NFASC: variants seen among roughly 807,000 people sequenced by gnomAD.
NFASC encodes neurofascin homolog.
NFASC carries 43 observed loss-of-function variants against 147.5 expected under a neutral mutation model. That is an observed-to-expected ratio of 0.29 (90% CI 0.23 to 0.38). The LOEUF (loss-of-function observed/expected upper bound fraction) is 0.38, where lower values mean the gene tolerates loss of function less well. Among genes scored for constraint, NFASC ranks in the 10% least tolerant of loss-of-function variants. The probability of loss-of-function intolerance (pLI) is 1.00; values close to 1 mark genes in which losing one functional copy is unlikely to be tolerated. For synonymous variants in NFASC, 622 were observed against 665.5 expected (o/e 0.93, Z 1.01); for missense variants, 1,320 against 1,689.0 (o/e 0.78, Z 3.83).
rs1184535103 is a variant in NFASC, at chr1:204,997,276, C to A, written c.2889C>A (p.Ile963=). The part of the protein sequence containing the change: ...ATTEATTVPI[I]PTVAPTTIAT... ...CCGAAGCCACAACAGTCCCCATCAT[C>A]CCAACTGTCGCACCTACCACCATCG... Residue 963 remains isoleucine (I), a synonymous_variant, in exon 25 of 30, where the codon ATC becomes ATA. Transcript: ENST00000339876. 3.1e-6 allele frequency: 5 copies of A among 1,612,406 alleles called. No individual in the cohort carries two copies. The highest frequency in any genetic ancestry group is 4.2e-6 in the Non-Finnish European group (5 of 1,179,134).
In NFASC at chr1:204,978,889, G is replaced by A. The variant is rs979025079; in HGVS notation, c.1877-79G>A. ...CTGGTAGCGAAGACAGCCCGTCAGG[G>A]AGCTGTCCAGGGCTAGGGCCATCAC... On this transcript the variant is annotated intron_variant, in intron 17 of 29. Transcript: ENST00000339876. The A allele has an allele frequency of 7.1e-6, 8 of 1,132,480 alleles. No individual in the cohort carries two copies. In the African/African-American group the frequency reaches 1.2e-4, roughly 18 times the overall value. 70.2% of individuals were successfully genotyped at this position (1,132,480 alleles called of 1,614,324 possible).
At chr1:204,939,615 A>T in intron 2 of NFASC, among the ~76,000 whole-genome samples, 1 of 152,204 alleles carries the variant, frequency 6.6e-6, no homozygotes, top group East Asian at 1.9e-4. Context: ...CCACATCTGG[A>T]TGTTGCACTT....
intron 2 of NFASC, among the ~76,000 whole-genome samples, chr1:204,935,707 G>A (rs2625221): frequency 0.38 from 58,444 of 151,868 alleles, 11,547 homozygotes; most frequent in Non-Finnish European, 0.43. Context: ...GATGAGACTG[G>A]GCACCCCGGT....
chr1:204,971,586 T>C (rs1231579194), intron 11 of NFASC, among the ~76,000 whole-genome samples: 1 of 152,170 alleles, frequency 6.6e-6, no homozygotes, highest in African/African-American at 2.4e-5. Flanking sequence ...TTTAGACATA[T>C]ATTGTATGCC....
chr1:204,960,259 A>G (rs2094603486), intron 8 of NFASC, among the ~76,000 whole-genome samples: 1 of 152,240 alleles, frequency 6.6e-6, no homozygotes, highest in South Asian at 2.1e-4. Context: ...TATTACCTGC[A>G]TTGAAGGAAG....
At chr1:204,981,322 T>C (rs1382730388) in intron 20 of NFASC, among the ~76,000 whole-genome samples, 1 of 152,258 alleles carries the variant, frequency 6.6e-6, no homozygotes, top group Admixed American at 6.5e-5. Context: ...AACTCTGACC[T>C]CTTGGGAAGG....
intron 1 of NFASC, among the ~76,000 whole-genome samples, chr1:204,911,408 A>C (rs6658163): frequency 0.44 from 67,178 of 151,964 alleles, 15,293 homozygotes; most frequent in Admixed American, 0.55. Flanking sequence ...TAAGAAATGG[A>C]GGTCTCAAGA....
intron 17 of NFASC, among the ~76,000 whole-genome samples, chr1:204,978,036 C>T (rs1258516102): frequency 6.6e-6 from 1 of 152,228 alleles, no homozygotes; most frequent in Non-Finnish European, 1.5e-5. Context: ...GTCCTGTTTG[C>T]AGGGAATGCG....
chr1:204,853,665 T>C (rs1038710837), intron 1 of NFASC, among the ~76,000 whole-genome samples: 6 of 152,208 alleles, frequency 3.9e-5, no homozygotes, highest in African/African-American at 1.4e-4. Flanking sequence ...CTCTTGGTAT[T>C]GTGCCAAACC....
chr1:204,955,268 G>A (rs932305869), intron 7 of NFASC, among the ~76,000 whole-genome samples: 2 of 152,162 alleles, frequency 1.3e-5, no homozygotes, highest in Non-Finnish European at 1.5e-5. Flanking sequence ...AAGAATAAAT[G>A]AGTCAATACG....
intron 19 of NFASC, among the ~76,000 whole-genome samples, chr1:204,980,056 A>G (rs1002438799): frequency 6.6e-6 from 1 of 152,240 alleles, no homozygotes; most frequent in Non-Finnish European, 1.5e-5. Context: ...TTTAGTGGAT[A>G]ATCCACAAAG....
In NFASC at chr1:204,986,320, T is replaced by G. The variant is rs1294743812; in HGVS notation, c.2471-1098T>G. On this transcript the variant is annotated intron_variant, in intron 21 of 29. Transcript: ENST00000339876. This position sits in a 1 kb window ranked among gnomAD's most constrained non-coding sequence, Gnocchi z 4.2. ...TGACCTGCCCTGCGAGGAGGTTGTA[T>G]CTCAAGAGAAGACCTGTGAGGTCTG... Among the ~76,000 whole-genome samples the G allele has an allele frequency of 6.6e-6, 1 of 152,200 alleles. No individual in the cohort carries two copies. The highest frequency in any genetic ancestry group is 2.4e-5 in the African/African-American group (1 of 41,446).
At position 204,987,661 on chromosome 1, in the gene NFASC, G is replaced by C; in HGVS notation, c.2593+121G>C. The C allele has an allele frequency of 8.6e-7, 1 of 1,162,836 alleles. No homozygotes were observed. The highest frequency in any genetic ancestry group is 1.2e-6 in the Non-Finnish European group (1 of 802,224). 72.0% of individuals were successfully genotyped at this position (1,162,836 alleles called of 1,614,324 possible). A position where few individuals can be genotyped will look rare whatever the true frequency, so the allele number is the denominator to read the frequency against. ...GTGCAGATGGCATTGTGGAGGGATG[G>C]AGGGGCCAACGAAACAGTTCCCAAT... is the stretch of plus-strand genomic sequence containing the variant. On this transcript the variant is annotated intron_variant, in intron 22 of 29. Coordinates refer to ENST00000339876, the MANE Select transcript of NFASC (RefSeq NM_001005388.3). This position sits in a 1 kb window ranked among gnomAD's most constrained non-coding sequence, Gnocchi z 4.4.
In NFASC at chr1:205,015,599, G is replaced by T. The variant is rs1410209407; in HGVS notation, c.3492-709G>T. Among the ~76,000 whole-genome samples, 1 of 152,168 alleles carries T rather than the reference G, an allele frequency of 6.6e-6. No individual in the cohort carries two copies. Among genetic ancestry groups the T allele is most frequent in the African/African-American group, 2.4e-5 (1 of 41,442 alleles). On this transcript the variant is annotated intron_variant, in intron 29 of 29. Transcript: ENST00000339876. The surrounding 1 kb of genome is among the most constrained non-coding windows in gnomAD (Gnocchi z 4.0). Reference sequence around the variant, plus strand: ...GTCAGGGCCTATGGGCCTCAGAAGGGGCTGGGCATGATCCTCTGAGCCTTG... The same window carrying T: ...GTCAGGGCCTATGGGCCTCAGAAGGTGCTGGGCATGATCCTCTGAGCCTTG...
intron 1 of NFASC, among the ~76,000 whole-genome samples, chr1:204,913,200 C>T (rs1160191850): frequency 6.6e-6 from 1 of 151,992 alleles, no homozygotes; most frequent in Non-Finnish European, 1.5e-5. Flanking sequence ...TTGAAGAATT[C>T]CAAAGAAAAT....
rs748688776 is a variant in NFASC at position 204,954,981 on chromosome 1, A to G, written c.535+30A>G. 1.7e-5 allele frequency: 28 copies of G among 1,608,614 alleles called. No homozygotes were observed. The highest frequency in any genetic ancestry group is 1.6e-4 in the Middle Eastern group (1 of 6,064). On this transcript the variant is annotated intron_variant, in intron 7 of 29. Transcript: ENST00000339876. The surrounding 1 kb of genome is among the most constrained non-coding windows in gnomAD (Gnocchi z 5.7). Reference sequence around the variant, plus strand: ...GTCTTGGGGGCCTGGTGTTGTGTTTATATCTTAACCTTAGGGGGTGGGGTG... The same window carrying G: ...GTCTTGGGGGCCTGGTGTTGTGTTTGTATCTTAACCTTAGGGGGTGGGGTG...
Position 204,857,552 on chromosome 1 carries a change from G to A in NFASC, c.-200+28770G>A, listed in dbSNP as rs115325634. On this transcript the variant is annotated intron_variant, in intron 1 of 29. Transcript: ENST00000339876. ...TCGAGTGCCCTCTGTCTCCCCTGTC[G>A]CAGCCCCCAGAATCCCATTGTGTGA... 3.3e-3 allele frequency among the ~76,000 whole-genome samples: 502 copies of A among 152,258 alleles called. 2 individuals carry two copies. Among genetic ancestry groups the A allele is most frequent in the African/African-American group, 0.011 (454 of 41,534 alleles).
At chr1:204,839,883 G>C (rs1358530481) in intron 1 of NFASC, among the ~76,000 whole-genome samples, 1 of 152,232 alleles carries the variant, frequency 6.6e-6, no homozygotes, top group Non-Finnish European at 1.5e-5. Context: ...CTCTGGAGGA[G>C]CAAGAGAAGC....
intron 1 of NFASC, among the ~76,000 whole-genome samples, chr1:204,858,856 A>G (rs576333181): frequency 1.4e-3 from 218 of 152,152 alleles, no homozygotes; most frequent in African/African-American, 5.0e-3. Context: ...GTGAGGGGCC[A>G]TCTCACTGAT....
Sources: gnomAD v4.1 joint callset for allele counts (sites outside exome capture counted in the v4.1 genomes callset) on GRCh38, gnomAD v4.1.1 for gene constraint, Gnocchi (gnomAD v3.1) non-coding constraint, MANE v1.5 for transcripts, NCBI Gene and HGNC (gene_info 2026-07-23, HGNC 2026-07-21) for gene names.